ZNRF1: variants seen among roughly 807,000 people sequenced by gnomAD.
ZNRF1 encodes E3 ubiquitin-protein ligase ZNRF1.
A neutral mutation model predicts 18.4 loss-of-function variants in ZNRF1; 3 were observed. The observed-to-expected ratio is 0.16, with a 90% CI of 0.07 to 0.42. The LOEUF (loss-of-function observed/expected upper bound fraction) is 0.42. ZNRF1 is among the 10% of genes least tolerant of loss of function. The pLI is 0.99. For missense variants in ZNRF1, 310 were observed against 329.8 expected (o/e 0.94, Z 0.47); for synonymous variants, 157 against 144.2 (o/e 1.09, Z -0.64).
chr16:75,046,652 T>G (rs1002133969), intron 1 of ZNRF1: 1 of 152,258 alleles, frequency 6.6e-6, no homozygotes, highest in Admixed American at 6.5e-5. Context: ...CTCTGCTCAC[T>G]GCAAGCTCCG....
chr16:75,039,393 C>G (rs929783259), intron 1 of ZNRF1, among the ~76,000 whole-genome samples: 1 of 152,008 alleles, frequency 6.6e-6, no homozygotes, highest in African/African-American at 2.4e-5. Context: ...ACTTTAGAAC[C>G]ACTTAAAATA....
chr16:75,106,680 G>C (rs1291759810), intron 4 of ZNRF1, 109 bp downstream of exon 4: 1 of 780,780 alleles, frequency 1.3e-6, no homozygotes, highest in Non-Finnish European at 2.1e-6. Flanking sequence ...GAAGAAAGCA[G>C]GAGCAGAGGG....
chr16:75,055,456 ACT>A (rs2035656332), intron 1 of ZNRF1, among the ~76,000 whole-genome samples: 1 of 152,154 alleles, frequency 6.6e-6, no homozygotes, highest in Non-Finnish European at 1.5e-5. Context: ...GTTGTGAAGA[ACT>A]TGGTTCCAGC....
intron 1 of ZNRF1, among the ~76,000 whole-genome samples, chr16:75,065,676 T>A (rs2145393754): frequency 6.6e-6 from 1 of 152,342 alleles, no homozygotes; most frequent in East Asian, 1.9e-4. Flanking sequence ...AATGTATCCT[T>A]CCTTATGCTT....
chr16:75,032,586 G>A (rs2035320408), intron 1 of ZNRF1, among the ~76,000 whole-genome samples: 1 of 151,938 alleles, frequency 6.6e-6, no homozygotes, highest in Admixed American at 6.6e-5. Context: ...GTGCTGCAGA[G>A]GATACTATCT....
At chr16:75,084,028 C>T (rs144830735) in intron 1 of ZNRF1, among the ~76,000 whole-genome samples, 1 of 152,312 alleles carries the variant, frequency 6.6e-6, no homozygotes, top group African/African-American at 2.4e-5. Context: ...TGGGACTCTG[C>T]TCACCATTGT....
At chr16:75,048,510 T>C (rs1049291303) in intron 1 of ZNRF1, among the ~76,000 whole-genome samples, 10 of 152,288 alleles carry the variant, frequency 6.6e-5, no homozygotes, top group Admixed American at 6.5e-4. Flanking sequence ...TTCCTGACCA[T>C]AGAGAGATTT....
chr16:75,025,883 C>T (rs533078570), intron 1 of ZNRF1, among the ~76,000 whole-genome samples: 4 of 72,202 alleles, frequency 5.5e-5, no homozygotes, highest in Admixed American at 1.8e-4. Context: ...AGTGGGGGGA[C>T]GGGGTGGGTG....
chr16:75,009,448 A>G (rs573195180), intron 1 of ZNRF1, among the ~76,000 whole-genome samples: 2 of 152,280 alleles, frequency 1.3e-5, no homozygotes, highest in East Asian at 1.9e-4. Context: ...GCATTGTAGC[A>G]TATTTCAGAA....
chr16:75,054,227 G>A (rs1284516273), intron 1 of ZNRF1, among the ~76,000 whole-genome samples: 3 of 152,212 alleles, frequency 2.0e-5, no homozygotes, highest in Non-Finnish European at 4.4e-5. Flanking sequence ...GACCTTAACT[G>A]TGTTGACCAG....
rs897506387 is a variant in ZNRF1, at chr16:75,053,797, A to T, written c.425-39775A>T. On this transcript the variant is annotated intron_variant, in intron 1 of 4. Transcript: ENST00000335325. ...TCAGTTTGTACTTTGGTGTGTACAC[A>T]TCACATTTTGGAGAAAGTCTAGACT... 5.3e-5 allele frequency among the ~76,000 whole-genome samples: 8 copies of T among 152,182 alleles called. No individual in the cohort carries two copies. In the East Asian group the frequency reaches 1.2e-3, roughly 22 times the overall value.
intron 1 of ZNRF1, among the ~76,000 whole-genome samples, chr16:75,088,317 C>G (rs1357839159): frequency 6.6e-6 from 1 of 152,136 alleles, no homozygotes; most frequent in Non-Finnish European, 1.5e-5. Flanking sequence ...TTTTTTCTGT[C>G]CTTCTTACCT....
At chr16:75,070,405 T>C (rs1039563204) in intron 1 of ZNRF1, among the ~76,000 whole-genome samples, 14 of 152,226 alleles carry the variant, frequency 9.2e-5, no homozygotes, top group African/African-American at 3.4e-4. Flanking sequence ...ACCTCTGAAC[T>C]GTTCAACAGT....
chr16:75,086,847 T>C (rs1213546511), intron 1 of ZNRF1, among the ~76,000 whole-genome samples: 1 of 152,138 alleles, frequency 6.6e-6, no homozygotes, highest in Admixed American at 6.6e-5. Flanking sequence ...GGCGTGGCTT[T>C]CTTTACCCTG....
At position 75,102,892 on chromosome 16, in the gene ZNRF1, G is replaced by A. The variant is rs564725455; in HGVS notation, c.521-1892G>A. Among the ~76,000 whole-genome samples, 12 of 152,220 alleles carry A rather than the reference G, an allele frequency of 7.9e-5. No homozygotes were observed. The East Asian group carries it at 1.5e-3, about 20-fold the overall frequency. On this transcript the variant is annotated intron_variant, in intron 2 of 4. Transcript: ENST00000335325. ...TCATCCGCACACGCAGGGCTGCTGC[G>A]CACTCCTTGTTGTCGGCCCCAGACA...
intron 2 of ZNRF1, 82 bp downstream of exon 2, chr16:75,093,749 G>A: frequency 8.8e-7 from 1 of 1,131,468 alleles, no homozygotes; most frequent in Non-Finnish European, 1.3e-6. Flanking sequence ...TCCAGTCGAG[G>A]GTGGTTCTGG....
intron 1 of ZNRF1, among the ~76,000 whole-genome samples, chr16:75,083,739 G>A (rs896773452): frequency 1.3e-5 from 2 of 152,104 alleles, no homozygotes; most frequent in Non-Finnish European, 2.9e-5. Flanking sequence ...GCATGGGGGA[G>A]GCAGTTGAGG....
chr16:75,015,069 A>G (rs1437207252), intron 1 of ZNRF1, among the ~76,000 whole-genome samples: 3 of 152,004 alleles, frequency 2.0e-5, no homozygotes, highest in Non-Finnish European at 4.4e-5. Context: ...GTCATATGTA[A>G]TGTAGATGTG....
In ZNRF1 at chr16:75,010,710, TGTTTTTTTG is replaced by T. The variant is rs1405957275; in HGVS notation, c.424+10616_424+10624del. Among the ~76,000 whole-genome samples, 38 of 45,190 alleles carry T rather than the reference TGTTTTTTTG, an allele frequency of 8.4e-4. 1 individual carries two copies. Among genetic ancestry groups the T allele is most frequent in the African/African-American group, 1.1e-3 (29 of 25,812 alleles). The allele number at this position is 45,190 out of a possible 152,430, so 29.6% of individuals were successfully genotyped here. A position where few individuals can be genotyped will look rare whatever the true frequency, so the allele number is the denominator to read the frequency against. On this transcript the variant is annotated intron_variant, in intron 1 of 4. Coordinates refer to ENST00000335325, the MANE Select transcript of ZNRF1 (RefSeq NM_032268.5). ...ACCTCTGTACTGTACTGTTTTTTTT[TGTTTTTTTG>T]TTTTTTTTTTTTTGAGGAGTCTCGC... is the stretch of plus-strand genomic sequence containing the variant.
Sources: allele counts gnomAD v4.1 joint callset (sites outside exome capture counted in the v4.1 genomes callset), GRCh38; gene constraint gnomAD v4.1.1; transcripts MANE v1.5; gene names NCBI Gene and HGNC (gene_info 2026-07-23, HGNC 2026-07-21).